Variants in ANKRD28 observed in about 807,000 individuals in gnomAD.
ANKRD28 encodes serine/threonine-protein phosphatase 6 regulatory ankyrin repeat subunit A.
A neutral mutation model predicts 126.5 loss-of-function variants in ANKRD28; 44 were observed. The observed-to-expected ratio is 0.35, with a 90% CI of 0.27 to 0.45. ANKRD28 has a LOEUF of 0.45. ANKRD28 is among the 20% of genes least tolerant of loss of function. The probability of loss-of-function intolerance (pLI) is 1.00; values close to 1 mark genes in which losing one functional copy is unlikely to be tolerated. For synonymous variants in ANKRD28, 442 were observed against 468.5 expected (o/e 0.94, Z 0.73); for missense variants, 1,110 against 1,316.6 (o/e 0.84, Z 2.43).
intron 1 of ANKRD28, among the ~76,000 whole-genome samples, chr3:15,810,032 G>A (rs752099624): frequency 5.9e-5 from 9 of 152,084 alleles, no homozygotes; most frequent in Non-Finnish European, 7.4e-5. Flanking sequence ...AGACAGCAGC[G>A]AGATCATGAA....
chr3:15,776,952 T>C (rs1575637306), intron 2 of ANKRD28, among the ~76,000 whole-genome samples: 1 of 152,272 alleles, frequency 6.6e-6, no homozygotes, highest in African/African-American at 2.4e-5. Context: ...TAGGAAGTTT[T>C]GTTCTCCTGA....
At chr3:15,674,196 A>AAAAAAAAGAAG (rs1470515364) in intron 27 of ANKRD28, among the ~76,000 whole-genome samples, 12 of 130,078 alleles carry the variant, frequency 9.2e-5, no homozygotes, top group African/African-American at 3.6e-4. Flanking sequence ...AAAAAAAAAA[A>AAAAAAAAGAAG]AAGAAGAAGA....
chr3:15,700,736 T>C (rs745836125), intron 14 of ANKRD28, among the ~76,000 whole-genome samples: 7 of 152,108 alleles, frequency 4.6e-5, no homozygotes, highest in Non-Finnish European at 7.4e-5. Flanking sequence ...ATCGCGCCAC[T>C]GCACTCCAGC....
At chr3:15,683,829 C>G (rs2067802056) in intron 21 of ANKRD28, 1 of 152,184 alleles carries the variant, frequency 6.6e-6, no homozygotes, top group African/African-American at 2.4e-5. Flanking sequence ...GTCAGAACAG[C>G]TCCCAGTGAA....
Position 15,816,792 on chromosome 3 carries a change from G to A in ANKRD28, c.28-21486C>T, listed in dbSNP as rs145634312. On this transcript the variant is annotated intron_variant, in intron 1 of 27. Coordinates refer to the ANKRD28 transcript ENST00000399451. This position sits in a 1 kb window ranked among gnomAD's most constrained non-coding sequence, Gnocchi z 5.0. ...TGTCTTATAATCCAAGACACTGAGAGATAGGAAGCTAGGATAATGAGTAAA... is the reference window on the plus strand; with the variant it reads ...TGTCTTATAATCCAAGACACTGAGAAATAGGAAGCTAGGATAATGAGTAAA... Among the ~76,000 whole-genome samples the A allele has an allele frequency of 8.5e-5, 13 of 152,324 alleles. No homozygotes were observed. The highest frequency in any genetic ancestry group is 2.9e-4 in the African/African-American group (12 of 41,576).
At chr3:15,777,707 C>T (rs1439720695) in intron 2 of ANKRD28, among the ~76,000 whole-genome samples, 2 of 151,962 alleles carry the variant, frequency 1.3e-5, no homozygotes, top group African/African-American at 4.8e-5. Context: ...CACATGTGTA[C>T]CCGAAATATG....
exon 1 of ANKRD28, chr3:15,859,487 C>T: frequency 7.6e-7 from 1 of 1,319,250 alleles, no homozygotes; most frequent in Non-Finnish European, 1.0e-6. Context: ...GCTCCCGCCC[C>T]AGTAGCCTTG....
Position 15,721,060 on chromosome 3 carries a change from A to G in ANKRD28, c.851T>C (p.Val284Ala), listed in dbSNP as rs753728824. Residue 284 changes from valine to alanine, a missense_variant, in exon 8 of 28, where the codon GTA (valine) becomes GCA (alanine). Transcript: ENST00000683139. Reference sequence around the variant, plus strand: ...ACCACAGTCTATAAGTTCATTCACTACAACATCTTGTCCATTATAGCAGGC... The same window carrying G: ...ACCACAGTCTATAAGTTCATTCACTGCAACATCTTGTCCATTATAGCAGGC... ...HVACYNGQDVVVNELIDCGAI... is the reference protein window; with the variant it reads ...HVACYNGQDVAVNELIDCGAI... 6.8e-6 allele frequency: 11 copies of G among 1,613,788 alleles called. No individual in the cohort carries two copies. Among genetic ancestry groups the G allele is most frequent in the African/African-American group, 6.7e-5 (5 of 74,942 alleles).
rs1380833299 is a variant in ANKRD28 at position 15,817,852 on chromosome 3, G to A, written c.28-22546C>T. On this transcript the variant is annotated intron_variant, in intron 1 of 27. Coordinates refer to the ANKRD28 transcript ENST00000399451. This position sits in a 1 kb window ranked among gnomAD's most constrained non-coding sequence, Gnocchi z 4.5. ...AGAAATAAAAGTGCTTGCATTCACAGACAACATGATTGTCTTTATAGAAGA... is the reference window on the plus strand; with the variant it reads ...AGAAATAAAAGTGCTTGCATTCACAAACAACATGATTGTCTTTATAGAAGA... 6.6e-6 allele frequency among the ~76,000 whole-genome samples: 1 copy of A among 152,044 alleles called. No individual in the cohort carries two copies. The highest frequency in any genetic ancestry group is 1.5e-5 in the Non-Finnish European group (1 of 68,008).
At position 15,797,007 on chromosome 3, in the gene ANKRD28, A is replaced by C. The variant is rs558178456; in HGVS notation, c.-486T>G. ...CCTGCAAGGTCATATAGTTACCAGTAGCTGTTTTGCTTATAATTGAAAATA... is the reference window on the plus strand; with the variant it reads ...CCTGCAAGGTCATATAGTTACCAGTCGCTGTTTTGCTTATAATTGAAAATA... On this transcript the variant is annotated 5_prime_UTR_variant, in exon 1 of 28. Transcript: ENST00000683139. 74 of 985,312 alleles carry C rather than the reference A, an allele frequency of 7.5e-5. No individual in the cohort carries two copies. In the African/African-American group the frequency reaches 1.2e-3, roughly 16 times the overall value. The allele number at this position is 985,312 out of a possible 1,614,324, so 61.0% of individuals were successfully genotyped here. A position where few individuals can be genotyped will look rare whatever the true frequency, so the allele number is the denominator to read the frequency against.
intron 8 of ANKRD28, among the ~76,000 whole-genome samples, chr3:15,718,551 A>G (rs1442638744): frequency 9.2e-5 from 14 of 152,170 alleles, no homozygotes; most frequent in Admixed American, 7.9e-4. Flanking sequence ...CAGGTACTAT[A>G]GTCACCTAAG....
Position 15,679,282 on chromosome 3 carries a change from T to C in ANKRD28, c.2561+19A>G, listed in dbSNP as rs2067277167. 1.2e-6 allele frequency: 2 copies of C among 1,611,400 alleles called. No homozygotes were observed. Among genetic ancestry groups the C allele is most frequent in the Non-Finnish European group, 1.7e-6 (2 of 1,177,548 alleles). ...ACTGTGCCTGGCTAAAACTATTTAA[T>C]ACATAGTTGAATTCCTACCTTCCTT... On this transcript the variant is annotated intron_variant, in intron 23 of 27. Transcript: ENST00000683139.
chr3:15,667,508 A>G lies in ANKRD28; in HGVS notation c.*2762T>C, dbSNP rs2066044608. On this transcript the variant is annotated 3_prime_UTR_variant, in exon 28 of 28. Coordinates refer to ENST00000683139, the MANE Select transcript of ANKRD28 (RefSeq NM_001349278.2). Reference sequence around the variant, plus strand: ...ACAGGCTTTTCTACTCTGTGTGAGGATAAGAAACACTACAGAACAGGGCCT... The same window carrying G: ...ACAGGCTTTTCTACTCTGTGTGAGGGTAAGAAACACTACAGAACAGGGCCT... The G allele has an allele frequency of 6.6e-6, 1 of 152,250 alleles. No individual in the cohort carries two copies. Among genetic ancestry groups the G allele is most frequent in the African/African-American group, 2.4e-5 (1 of 41,468 alleles). 9.4% of individuals were successfully genotyped at this position (152,250 alleles called of 1,614,324 possible). A position where few individuals can be genotyped will look rare whatever the true frequency, so the allele number is the denominator to read the frequency against.
At chr3:15,695,273 C>A in intron 15 of ANKRD28, 59 bp from the exon 16 acceptor site, 2 of 1,257,522 alleles carry the variant, frequency 1.6e-6, no homozygotes, top group South Asian at 2.6e-5. Context: ...TATATTAAGT[C>A]TCAACTTATA....
intron 1 of ANKRD28, among the ~76,000 whole-genome samples, chr3:15,844,032 T>C (rs1306237281): frequency 1.3e-5 from 2 of 152,084 alleles, no homozygotes; most frequent in African/African-American, 4.8e-5. Flanking sequence ...GGGATGGGTG[T>C]TGTAGAGAAC....
intron 1 of ANKRD28, among the ~76,000 whole-genome samples, chr3:15,837,088 A>G (rs1329109545): frequency 7.0e-6 from 1 of 142,136 alleles, no homozygotes; most frequent in Non-Finnish European, 1.6e-5. Context: ...CAACAGAGCA[A>G]GACTCCGTCT....
Position 15,854,372 on chromosome 3 carries a change from G to A in ANKRD28, c.27+5005C>T, listed in dbSNP as rs1217092657. 2.0e-5 allele frequency among the ~76,000 whole-genome samples: 3 copies of A among 152,148 alleles called. No homozygotes were observed. The highest frequency in any genetic ancestry group is 4.4e-5 in the Non-Finnish European group (3 of 68,034). On this transcript the variant is annotated intron_variant, in intron 1 of 27. Transcript: ENST00000399451. The surrounding 1 kb of genome is among the most constrained non-coding windows in gnomAD (Gnocchi z 4.1). The stretch of plus-strand genomic sequence containing the variant: ...CCTCTTGTTGCTTTCATTGACAACT[G>A]CTTGCTTTCAACATCCACATATACT...
chr3:15,689,916 G>A, intron 18 of ANKRD28, 103 bp downstream of exon 18: 1 of 1,095,056 alleles, frequency 9.1e-7, no homozygotes. Context: ...AAAAAAAAAG[G>A]TCAAAATTTT....
intron 1 of ANKRD28, among the ~76,000 whole-genome samples, chr3:15,826,632 A>G (rs941913342): frequency 1.1e-4 from 16 of 152,194 alleles, no homozygotes; most frequent in African/African-American, 3.9e-4. Context: ...ACAGCTGTTT[A>G]TTCCTAGTGA....
Sources: allele counts gnomAD v4.1 joint callset (sites outside exome capture counted in the v4.1 genomes callset), GRCh38; gene constraint gnomAD v4.1.1; non-coding constraint Gnocchi (gnomAD v3.1); transcripts MANE v1.5; gene names NCBI Gene and HGNC (gene_info 2026-07-23, HGNC 2026-07-21).